CNTNAP5: variants seen among roughly 807,000 people sequenced by gnomAD.
The protein encoded by CNTNAP5 is contactin associated protein family member 5.
Under a neutral mutation model 150.2 loss-of-function variants are expected in CNTNAP5, and 72 were observed. The ratio of observed to expected loss-of-function variants is 0.48; its 90% confidence interval spans 0.40 to 0.58. The LOEUF is 0.58. Among genes scored for constraint, CNTNAP5 ranks in the 20% least tolerant of loss-of-function variants. The probability of loss-of-function intolerance (pLI) is 0.00; values close to 1 mark genes in which losing one functional copy is unlikely to be tolerated. For missense variants in CNTNAP5, 1,636 were observed against 1,626.2 expected, an observed-to-expected ratio of 1.01 and a Z score of -0.10; for synonymous variants, 672 against 619.8, an observed-to-expected ratio of 1.08 and a Z score of -1.25.
At chr2:124,051,777 A>G (rs17010772) in intron 1 of CNTNAP5, among the ~76,000 whole-genome samples, 3 of 152,134 alleles carry the variant, frequency 2.0e-5, no homozygotes, top group African/African-American at 4.8e-5. Context: ...TGAGACATAC[A>G]GTTTACCTGC....
At chr2:124,844,892 T>G (rs1683016244) in intron 19 of CNTNAP5, among the ~76,000 whole-genome samples, 1 of 152,066 alleles carries the variant, frequency 6.6e-6, no homozygotes, top group East Asian at 1.9e-4. Flanking sequence ...TAGAGTTTTC[T>G]AGGTATACAA....
intron 21 of CNTNAP5, among the ~76,000 whole-genome samples, chr2:124,893,236 C>T (rs2104750215): frequency 6.6e-6 from 1 of 152,162 alleles, no homozygotes; most frequent in African/African-American, 2.4e-5. Context: ...TCTTTTGTTT[C>T]CATTTCTTTG....
In CNTNAP5 at chr2:124,587,956, C is replaced by A. The variant is rs547642344; in HGVS notation, c.1757-21845C>A. On this transcript the variant is annotated intron_variant, in intron 11 of 23. Coordinates refer to ENST00000682447, the MANE Select transcript of CNTNAP5 (RefSeq NM_001367498.1). ...GGAAAAGGTAAATTTATTGTTTTGA[C>A]TAGTGGTATGTTGATACATATTGGA... Among the ~76,000 whole-genome samples, 292 of 152,160 alleles carry A rather than the reference C, an allele frequency of 1.9e-3. 13 individuals are homozygous for A. In the South Asian group the frequency reaches 0.06, roughly 31 times the overall value.
chr2:124,603,847 GGATA>G (rs1197590020), intron 11 of CNTNAP5, among the ~76,000 whole-genome samples: 2 of 152,042 alleles, frequency 1.3e-5, no homozygotes, highest in East Asian at 1.9e-4. Context: ...ATTGATTGAT[GGATA>G]GATAGAAACT....
Position 124,919,721 on chromosome 2 carries a change from T to A in CNTNAP5, c.*5433T>A, listed in dbSNP as rs1159190282. ...TTACTCACATTTGCATGATTTTTTTTACCTTCCAACACTTCTTCAGTCACA... is the reference window on the plus strand; with the variant it reads ...TTACTCACATTTGCATGATTTTTTTAACCTTCCAACACTTCTTCAGTCACA... On this transcript the variant is annotated 3_prime_UTR_variant, in exon 24 of 24. Coordinates refer to ENST00000682447, the MANE Select transcript of CNTNAP5 (RefSeq NM_001367498.1). Among the ~76,000 whole-genome samples, 1 of 152,142 alleles carries A rather than the reference T, an allele frequency of 6.6e-6. No individual in the cohort carries two copies. Among genetic ancestry groups the A allele is most frequent in the Non-Finnish European group, 1.5e-5 (1 of 68,004 alleles).
chr2:124,208,119 A>G (rs541163715), intron 1 of CNTNAP5, among the ~76,000 whole-genome samples: 4 of 152,320 alleles, frequency 2.6e-5, no homozygotes, highest in African/African-American at 9.6e-5. Flanking sequence ...TGTCTCAAAA[A>G]ATCATTATAT....
Position 124,764,093 on chromosome 2 carries a change from G to T in CNTNAP5, c.2479G>T (p.Gly827Ter), listed in dbSNP as rs867648836. The T allele has an allele frequency of 6.2e-7, 1 of 1,613,090 alleles. No individual in the cohort carries two copies. Among genetic ancestry groups the T allele is most frequent in the Admixed American group, 1.7e-5 (1 of 59,960 alleles). Residue 827 changes from glycine to a stop codon, truncating the protein, a stop_gained, in exon 16 of 24, where the codon GGA (glycine) becomes TGA (stop). Transcript: ENST00000682447. LOFTEE classifies it high-confidence loss of function. ...SFFFKTTALS[G>*]VFLENLGIKD... The stretch of plus-strand genomic sequence containing the variant: ...CTTTTTTAAAACCACAGCATTATCC[G>T]GAGTTTTCCTAGAAAATCTTGGCAT...
chr2:124,771,372 T>C lies in CNTNAP5; in HGVS notation c.2534-1427T>C, dbSNP rs149601057. 5.4e-3 allele frequency among the ~76,000 whole-genome samples: 818 copies of C among 152,292 alleles called. 4 individuals carry two copies. The highest frequency in any genetic ancestry group is 9.5e-3 in the Admixed American group (145 of 15,286). Reference sequence around the variant, plus strand: ...TTCCTTTACATTTAGAACATTGTTATGTGATAATGGAAAACACAAGACAAT... The same window carrying C: ...TTCCTTTACATTTAGAACATTGTTACGTGATAATGGAAAACACAAGACAAT... On this transcript the variant is annotated intron_variant, in intron 16 of 23. Transcript: ENST00000682447.
At chr2:124,886,307 TG>T (rs963670849) in intron 21 of CNTNAP5, among the ~76,000 whole-genome samples, 31 of 152,134 alleles carry the variant, frequency 2.0e-4, no homozygotes, top group Non-Finnish European at 4.0e-4. Context: ...CAACTAGACT[TG>T]GGGCAAGTGG....
At chr2:124,756,323 T>C (rs1680839125) in intron 14 of CNTNAP5, among the ~76,000 whole-genome samples, 1 of 152,148 alleles carries the variant, frequency 6.6e-6, no homozygotes, top group Non-Finnish European at 1.5e-5. Flanking sequence ...GGTGGGAGTG[T>C]AAATTAGTTC....
chr2:124,675,965 A>G (rs1678931377), intron 13 of CNTNAP5, among the ~76,000 whole-genome samples: 1 of 152,170 alleles, frequency 6.6e-6, no homozygotes, highest in Non-Finnish European at 1.5e-5. Flanking sequence ...TTCAGATAAT[A>G]TAATGTGGAA....
chr2:124,451,474 A>G (rs1692981255), intron 6 of CNTNAP5, among the ~76,000 whole-genome samples: 1 of 152,076 alleles, frequency 6.6e-6, no homozygotes, highest in Non-Finnish European at 1.5e-5. Flanking sequence ...AAAAATCTAT[A>G]TAATTATGTC....
chr2:124,484,524 G>A (rs1693827019), intron 7 of CNTNAP5, among the ~76,000 whole-genome samples: 2 of 152,078 alleles, frequency 1.3e-5, no homozygotes, highest in Non-Finnish European at 2.9e-5. Flanking sequence ...AGATAATAAT[G>A]CCTACTTTAC....
At chr2:124,828,196 T>C (rs891141349) in intron 19 of CNTNAP5, among the ~76,000 whole-genome samples, 9 of 152,104 alleles carry the variant, frequency 5.9e-5, no homozygotes, top group Non-Finnish European at 1.3e-4. Context: ...AAAAATATGG[T>C]ATTGGCCAGA....
At chr2:124,162,287 A>G (rs1684699920) in intron 1 of CNTNAP5, among the ~76,000 whole-genome samples, 1 of 152,202 alleles carries the variant, frequency 6.6e-6, no homozygotes, top group South Asian at 2.1e-4. Context: ...TTGCATATTT[A>G]ATTTATGACA....
At chr2:124,799,227 G>A (rs1439326827) in intron 19 of CNTNAP5, among the ~76,000 whole-genome samples, 2 of 152,124 alleles carry the variant, frequency 1.3e-5, no homozygotes, top group Non-Finnish European at 2.9e-5. Context: ...TGGACAAAAT[G>A]TAATACGAGA....
At chr2:124,840,905 G>A (rs1382387674) in intron 19 of CNTNAP5, among the ~76,000 whole-genome samples, 1 of 152,088 alleles carries the variant, frequency 6.6e-6, no homozygotes, top group Non-Finnish European at 1.5e-5. Context: ...ACCAAGCAAT[G>A]TGCAGACCAT....
At chr2:124,158,390 G>A (rs1022554046) in intron 1 of CNTNAP5, among the ~76,000 whole-genome samples, 4 of 152,046 alleles carry the variant, frequency 2.6e-5, no homozygotes, top group Non-Finnish European at 5.9e-5. Flanking sequence ...TATAACCTAC[G>A]CACATCTTCC....
intron 1 of CNTNAP5, among the ~76,000 whole-genome samples, chr2:124,216,461 C>T (rs1686158718): frequency 6.6e-6 from 1 of 151,896 alleles, no homozygotes; most frequent in Non-Finnish European, 1.5e-5. Context: ...CATATGTATA[C>T]ATGTGCCATG....
Sources: allele counts gnomAD v4.1 joint callset (sites outside exome capture counted in the v4.1 genomes callset), GRCh38; gene constraint gnomAD v4.1.1; transcripts MANE v1.5; gene names NCBI Gene and HGNC (gene_info 2026-07-23, HGNC 2026-07-21).